FAM120A: variants seen among roughly 807,000 people sequenced by gnomAD.
FAM120A encodes family with sequence similarity 120 member A, also known as constitutive coactivator of PPAR-gamma-like protein 1.
FAM120A carries 15 observed loss-of-function variants against 109.7 expected under a neutral mutation model. The ratio of observed to expected loss-of-function variants is 0.14; its 90% CI spans 0.09 to 0.21. The LOEUF is 0.21. Ranked by LOEUF, FAM120A falls within the 10% of genes least tolerant of loss-of-function variation. The pLI is 1.00. For synonymous variants in FAM120A, 493 were observed against 572.8 expected, an observed-to-expected ratio of 0.86 and a Z score of 1.99; for missense variants, 899 against 1,439.3, an observed-to-expected ratio of 0.62 and a Z score of 6.07.
chr9:93,515,010 T>C (rs1322626896), intron 5 of FAM120A, among the ~76,000 whole-genome samples: 1 of 152,074 alleles, frequency 6.6e-6, no homozygotes, highest in African/African-American at 2.4e-5. Flanking sequence ...GTGGGAATGA[T>C]GACTAGCACA....
At chr9:93,493,292 A>G (rs544560216) in intron 3 of FAM120A, among the ~76,000 whole-genome samples, 2 of 152,314 alleles carry the variant, frequency 1.3e-5, no homozygotes, top group East Asian at 1.9e-4. Context: ...TTAATGTACT[A>G]TGTTCAAGTA....
Position 93,498,729 on chromosome 9 carries a change from A to C in FAM120A, c.934-61A>C. Reference sequence around the variant, plus strand: ...ATACATGTGCTGAATTATAAAAAACATTGTGATACACATGACCAGTGGCAC... The same window carrying C: ...ATACATGTGCTGAATTATAAAAAACCTTGTGATACACATGACCAGTGGCAC... On this transcript the variant is annotated intron_variant, in intron 4 of 17. Transcript: ENST00000277165. The surrounding 1 kb of genome is among the most constrained non-coding windows in gnomAD (Gnocchi z 4.4). The C allele has an allele frequency of 1.1e-6, 1 of 936,708 alleles. No homozygotes were observed. Among genetic ancestry groups the C allele is most frequent in the South Asian group, 1.3e-5 (1 of 75,740 alleles). 58.0% of individuals were successfully genotyped at this position (936,708 alleles called of 1,614,324 possible).
At chr9:93,560,555 T>G (rs1242404342) in intron 15 of FAM120A, among the ~76,000 whole-genome samples, 2 of 152,248 alleles carry the variant, frequency 1.3e-5, no homozygotes, top group Non-Finnish European at 2.9e-5. Flanking sequence ...CTTATTTTTT[T>G]GTTTTTAAAC....
At chr9:93,491,762 T>C (rs947896500) in intron 3 of FAM120A, among the ~76,000 whole-genome samples, 2 of 152,190 alleles carry the variant, frequency 1.3e-5, no homozygotes, top group African/African-American at 4.8e-5. Context: ...TCCTTAGAGA[T>C]AGAATGTACA....
intron 10 of FAM120A, among the ~76,000 whole-genome samples, chr9:93,534,828 A>G (rs1361400914): frequency 1.3e-5 from 2 of 151,634 alleles, no homozygotes; most frequent in Admixed American, 6.5e-5. Flanking sequence ...CTTTGGGGCC[A>G]TCTTTGTTGG....
At chr9:93,521,598 G>GA (rs1860847752) in intron 7 of FAM120A, among the ~76,000 whole-genome samples, 1 of 151,262 alleles carries the variant, frequency 6.6e-6, no homozygotes, top group Non-Finnish European at 1.5e-5. Flanking sequence ...AAAAAAAAAG[G>GA]AAAGAAAGAA....
intron 17 of FAM120A, among the ~76,000 whole-genome samples, chr9:93,562,646 T>G (rs1349182474): frequency 6.6e-6 from 1 of 151,556 alleles, no homozygotes. Flanking sequence ...AGTTTCTTTT[T>G]TTTTCTTTCT....
At chr9:93,477,704 G>T (rs1401734288) in intron 3 of FAM120A, among the ~76,000 whole-genome samples, 1 of 152,192 alleles carries the variant, frequency 6.6e-6, no homozygotes, top group Non-Finnish European at 1.5e-5. Context: ...GTTTTGAAGA[G>T]CAGGAGTGAG....
chr9:93,542,444 A>G (rs1448721729), intron 10 of FAM120A, among the ~76,000 whole-genome samples: 1 of 152,234 alleles, frequency 6.6e-6, no homozygotes, highest in Non-Finnish European at 1.5e-5. Context: ...TGGGAAATCA[A>G]TCAAGTGGGA....
chr9:93,484,595 A>G (rs561242829), intron 3 of FAM120A, among the ~76,000 whole-genome samples: 2 of 152,226 alleles, frequency 1.3e-5, no homozygotes, highest in South Asian at 2.1e-4. Context: ...TTATTTTAAG[A>G]CAGAGTCTTG....
chr9:93,511,839 C>T, intron 5 of FAM120A, among the ~76,000 whole-genome samples: 1 of 152,224 alleles, frequency 6.6e-6, no homozygotes, highest in East Asian at 1.9e-4. Context: ...GTCACCCAGG[C>T]CAGAGTGCAG....
intron 16 of FAM120A, 36 bp from the exon 17 acceptor site, chr9:93,562,172 T>A (rs761978259): frequency 6.8e-7 from 1 of 1,480,428 alleles, no homozygotes; most frequent in South Asian, 1.1e-5. Flanking sequence ...TGTAACAGAT[T>A]TAAGTGTTTA....
At chr9:93,546,904 G>T (rs1040829041) in intron 11 of FAM120A, among the ~76,000 whole-genome samples, 2 of 152,228 alleles carry the variant, frequency 1.3e-5, no homozygotes, top group Admixed American at 1.3e-4. Flanking sequence ...CACAGAAGGG[G>T]TATGGTGGTC....
intron 5 of FAM120A, among the ~76,000 whole-genome samples, chr9:93,503,412 C>T (rs368158181): frequency 1.8e-4 from 28 of 152,148 alleles, no homozygotes; most frequent in Non-Finnish European, 2.6e-4. Flanking sequence ...AAAAGCAATG[C>T]GCTATCAAGC....
chr9:93,477,581 C>T (rs1029603608), intron 3 of FAM120A, among the ~76,000 whole-genome samples: 2 of 152,174 alleles, frequency 1.3e-5, no homozygotes, highest in African/African-American at 2.4e-5. Flanking sequence ...GGAAATGCAG[C>T]GTGTAATCAG....
At chr9:93,482,948 G>C (rs969358081) in intron 3 of FAM120A, among the ~76,000 whole-genome samples, 1 of 152,206 alleles carries the variant, frequency 6.6e-6, no homozygotes, top group Non-Finnish European at 1.5e-5. Flanking sequence ...GCTTTTGTCC[G>C]AGAAGAGCTG....
At chr9:93,548,222 C>G (rs529832246) in intron 11 of FAM120A, among the ~76,000 whole-genome samples, 2 of 152,206 alleles carry the variant, frequency 1.3e-5, no homozygotes, top group African/African-American at 4.8e-5. Flanking sequence ...TCCTGCCTCA[C>G]CCTTCCAAGT....
chr9:93,540,692 T>C (rs1861663751), intron 10 of FAM120A, among the ~76,000 whole-genome samples: 1 of 151,846 alleles, frequency 6.6e-6, no homozygotes, highest in South Asian at 2.1e-4. Flanking sequence ...ATGTGGAGAG[T>C]TGTCGGAGCC....
intron 1 of FAM120A, among the ~76,000 whole-genome samples, chr9:93,458,424 A>G (rs7860881): frequency 0.011 from 1,649 of 152,166 alleles, 36 homozygotes; most frequent in African/African-American, 0.037. Flanking sequence ...CTACCACCAT[A>G]GAGTCATGCT....
Sources: allele counts gnomAD v4.1 joint callset (sites outside exome capture counted in the v4.1 genomes callset), GRCh38; gene constraint gnomAD v4.1.1; non-coding constraint Gnocchi (gnomAD v3.1); transcripts MANE v1.5; gene names NCBI Gene and HGNC (gene_info 2026-07-23, HGNC 2026-07-21).